Variants in CCDC149 observed in about 807,000 individuals in gnomAD.
CCDC149 encodes the protein coiled-coil domain containing 149.
CCDC149 carries 45 observed loss-of-function variants against 59.9 expected under a neutral mutation model. The ratio of observed to expected loss-of-function variants is 0.75; its 90% CI spans 0.59 to 0.96. The LOEUF is 0.96. Among genes scored for constraint, CCDC149 ranks in the 40% least tolerant of loss-of-function variants. The pLI is 0.00. For missense variants in CCDC149, 584 were observed against 664.7 expected (o/e 0.88, Z 1.33); for synonymous variants, 245 against 260.6 (o/e 0.94, Z 0.58).
chr4:24,862,735 T>C (rs936503884), intron 3 of CCDC149, among the ~76,000 whole-genome samples: 46 of 152,290 alleles, frequency 3.0e-4, no homozygotes, highest in African/African-American at 9.9e-4. Context: ...ATTTCTCCCA[T>C]ATATTTCCTG....
intron 1 of CCDC149, among the ~76,000 whole-genome samples, chr4:24,919,683 C>T (rs1391934575): frequency 6.6e-6 from 1 of 152,126 alleles, no homozygotes; most frequent in Non-Finnish European, 1.5e-5. Context: ...AGTAATTGGA[C>T]AAAACATTTA....
intron 4 of CCDC149, among the ~76,000 whole-genome samples, chr4:24,851,609 A>G (rs140821967): frequency 1.6e-4 from 24 of 152,380 alleles, no homozygotes; most frequent in African/African-American, 5.5e-4. Flanking sequence ...GTTATCAGTC[A>G]GTCAAGAAGA....
intron 1 of CCDC149, chr4:24,894,984 G>T: frequency 6.5e-7 from 1 of 1,536,172 alleles, no homozygotes. Context: ...GGCATGGTTT[G>T]TCAATACCTC....
intron 2 of CCDC149, among the ~76,000 whole-genome samples, chr4:24,874,878 T>C (rs900322656): frequency 1.3e-5 from 2 of 152,174 alleles, no homozygotes; most frequent in African/African-American, 4.8e-5. Flanking sequence ...GTTGGCATTC[T>C]CCATTTCAGT....
In CCDC149 at chr4:24,808,546, G is replaced by A. The variant is rs531437727; in HGVS notation, c.1466C>T (p.Thr489Met). The A allele has an allele frequency of 2.6e-5, 41 of 1,549,870 alleles. No individual in the cohort carries two copies. The highest frequency in any genetic ancestry group is 3.3e-4 in the Middle Eastern group (2 of 5,982). Residue 489 changes from threonine (T) to methionine (M), a missense_variant, in exon 13 of 13, where the codon ACG becomes ATG. By Grantham distance (81) the Thr-to-Met change is moderately conservative. Coordinates refer to ENST00000635206, the MANE Select transcript of CCDC149 (RefSeq NM_001330643.2). The stretch of plus-strand genomic sequence containing the variant: ...GGCCAGGCCTGGCGGGGCTGGCCCC[G>A]TCTCACTCCTCTGACCTTCTATGGG...
chr4:24,927,505 A>C (rs1323676601), intron 1 of CCDC149, among the ~76,000 whole-genome samples: 1 of 152,248 alleles, frequency 6.6e-6, no homozygotes, highest in African/African-American at 2.4e-5. Flanking sequence ...CAAAGAACTC[A>C]AGAACACGAC....
At chr4:24,951,342 C>A (rs985505750) in intron 1 of CCDC149, among the ~76,000 whole-genome samples, 1 of 152,180 alleles carries the variant, frequency 6.6e-6, no homozygotes, top group Non-Finnish European at 1.5e-5. Flanking sequence ...TGGGAATGTG[C>A]TTTCATGCAT....
At chr4:24,904,560 T>C (rs935828079) in intron 1 of CCDC149, among the ~76,000 whole-genome samples, 11 of 152,206 alleles carry the variant, frequency 7.2e-5, no homozygotes, top group Non-Finnish European at 1.5e-4. Flanking sequence ...AGGAGAAGGA[T>C]TGCTGGGTTG....
chr4:24,862,045 T>C (rs997639429), intron 3 of CCDC149, among the ~76,000 whole-genome samples: 4 of 152,192 alleles, frequency 2.6e-5, no homozygotes, highest in African/African-American at 7.2e-5. Flanking sequence ...GAGACTCCTA[T>C]CACCAGAGAC....
chr4:24,968,596 C>A (rs1038746175), intron 1 of CCDC149, among the ~76,000 whole-genome samples: 1 of 152,194 alleles, frequency 6.6e-6, no homozygotes, highest in Non-Finnish European at 1.5e-5. Flanking sequence ...GAATTGGGTC[C>A]CCTCATTCCC....
intron 11 of CCDC149, 146 bp from the exon 12 acceptor site, chr4:24,820,121 A>G: frequency 1.6e-6 from 1 of 616,802 alleles, no homozygotes; most frequent in South Asian, 1.9e-5. Flanking sequence ...GACATGCTCC[A>G]TACTTCCTTA....
intron 1 of CCDC149, among the ~76,000 whole-genome samples, chr4:24,924,628 C>T (rs1266491111): frequency 6.6e-6 from 1 of 152,240 alleles, no homozygotes; most frequent in Non-Finnish European, 1.5e-5. Flanking sequence ...GTTTCTTCCT[C>T]ATAGCACAGC....
intron 1 of CCDC149, among the ~76,000 whole-genome samples, chr4:24,906,271 T>G (rs982553611): frequency 6.6e-6 from 1 of 152,124 alleles, no homozygotes; most frequent in African/African-American, 2.4e-5. Flanking sequence ...ACATGCTGTG[T>G]GTGCAACAGT....
rs532666716 is a variant in CCDC149 at position 24,860,265 on chromosome 4, A to C, written c.265-7086T>G. ...ACAGCAACATAGATCAATGGAGCAG[A>C]ATAGAGAAGCCAGAAATAAAGTCAA... On this transcript the variant is annotated intron_variant, in intron 3 of 12. Coordinates refer to ENST00000635206, the MANE Select transcript of CCDC149 (RefSeq NM_001330643.2). Among the ~76,000 whole-genome samples the C allele has an allele frequency of 1.1e-4, 17 of 152,336 alleles. No homozygotes were observed. The South Asian group carries it at 3.3e-3, about 30-fold the overall frequency.
intron 1 of CCDC149, among the ~76,000 whole-genome samples, chr4:24,900,924 G>A (rs2109305612): frequency 6.6e-6 from 1 of 152,308 alleles, no homozygotes; most frequent in South Asian, 2.1e-4. Context: ...CGTATGTGGG[G>A]AGCAGTGAGA....
At chr4:24,874,255 T>TTTG (rs1719256604) in intron 2 of CCDC149, among the ~76,000 whole-genome samples, 3 of 80,716 alleles carry the variant, frequency 3.7e-5, no homozygotes, top group East Asian at 3.2e-4. Flanking sequence ...TTTTTTTTTT[T>TTTG]TTTTGTTTTG....
intron 1 of CCDC149, among the ~76,000 whole-genome samples, chr4:24,955,033 A>G (rs1723428571): frequency 6.6e-6 from 1 of 152,182 alleles, no homozygotes; most frequent in Admixed American, 6.5e-5. Context: ...TGCTGCTGGT[A>G]TTTGTTATAG....
chr4:24,871,881 C>T (rs1719064720), intron 3 of CCDC149, among the ~76,000 whole-genome samples: 1 of 152,088 alleles, frequency 6.6e-6, no homozygotes, highest in Admixed American at 6.6e-5. Context: ...ATTATAAAGC[C>T]ACAGAACATA....
chr4:24,850,247 T>C (rs926014794), intron 4 of CCDC149, among the ~76,000 whole-genome samples: 2 of 152,198 alleles, frequency 1.3e-5, no homozygotes, highest in Non-Finnish European at 2.9e-5. Context: ...AGAGATTATA[T>C]AATACCTACC....
Sources: allele counts gnomAD v4.1 joint callset (sites outside exome capture counted in the v4.1 genomes callset), GRCh38; gene constraint gnomAD v4.1.1; transcripts MANE v1.5; gene names NCBI Gene and HGNC (gene_info 2026-07-23, HGNC 2026-07-21).